PCDH11Y: variants seen among roughly 807,000 people sequenced by gnomAD.
PCDH11Y encodes protocadherin-11 Y-linked.
For synonymous variants in PCDH11Y, 9 were observed against 83.6 expected (o/e 0.11, Z 4.87); for missense variants, 12 against 224.8 (o/e 0.05, Z 6.05).
chrY:5,148,891 TA>T (rs2052860801), intron 2 of PCDH11Y, among the ~76,000 whole-genome samples: 2 of 32,194 alleles, frequency 6.2e-5, no homozygotes, highest in Admixed American at 2.9e-4. Context: ...CATTGTAAAG[TA>T]AAAAAAAATC....
At chrY:5,165,812 T>C in intron 2 of PCDH11Y, among the ~76,000 whole-genome samples, 3 of 32,889 alleles carry the variant, frequency 9.1e-5, no homozygotes, top group African/African-American at 3.5e-4. Context: ...GATAAATCTC[T>C]AGCCAGACAT....
At chrY:5,587,760 A>G (rs1406388181) in intron 4 of PCDH11Y, among the ~76,000 whole-genome samples, 504 of 31,824 alleles carry the variant, frequency 0.016, no homozygotes, top group Non-Finnish European at 0.028. Context: ...ACTCTTTTTT[A>G]GTTTTTATTG....
At chrY:5,421,014 T>C (rs2053257306) in intron 2 of PCDH11Y, among the ~76,000 whole-genome samples, 2 of 28,364 alleles carry the variant, frequency 7.1e-5, no homozygotes, top group East Asian at 1.9e-3. Flanking sequence ...AAGACCAGCC[T>C]GGCCACCATG....
chrY:5,620,433 C>T (rs2124702119), intron 4 of PCDH11Y, among the ~76,000 whole-genome samples: 2 of 30,764 alleles, frequency 6.5e-5, no homozygotes, highest in East Asian at 1.8e-3. Context: ...AAAAATAAAT[C>T]ACAGGACCAT....
chrY:5,495,896 A>G, intron 2 of PCDH11Y, among the ~76,000 whole-genome samples: 4 of 33,279 alleles, frequency 1.2e-4, no homozygotes. Flanking sequence ...GGGATTTGAT[A>G]TTTAGTCTGT....
At chrY:5,223,143 T>A in intron 2 of PCDH11Y, among the ~76,000 whole-genome samples, 1 of 33,567 alleles carries the variant, frequency 3.0e-5, no homozygotes, top group Non-Finnish European at 7.4e-5. Flanking sequence ...TATGGTGGTA[T>A]TTGTTAATTC....
At chrY:5,496,940 C>T (rs2124687481) in intron 2 of PCDH11Y, among the ~76,000 whole-genome samples, 1 of 32,785 alleles carries the variant, frequency 3.1e-5, no homozygotes, top group African/African-American at 1.2e-4. Context: ...ATGATGGTTT[C>T]CAGCTTCATC....
chrY:5,031,243 A>G, intron 1 of PCDH11Y, among the ~76,000 whole-genome samples: 2 of 31,914 alleles, frequency 6.3e-5, no homozygotes, highest in Admixed American at 5.9e-4. Flanking sequence ...ACTGCTCTAG[A>G]AATTTCTGCT....
At chrY:5,656,809 G>A (rs2053536788) in intron 4 of PCDH11Y, among the ~76,000 whole-genome samples, 58 of 31,619 alleles carry the variant, frequency 1.8e-3, no homozygotes, top group African/African-American at 5.3e-3. Context: ...CAAAACTGGA[G>A]GAATCACCTT....
intron 1 of PCDH11Y, among the ~76,000 whole-genome samples, chrY:5,097,584 TG>T (rs2052755256): frequency 3.0e-5 from 1 of 32,982 alleles, no homozygotes; most frequent in Non-Finnish European, 7.4e-5. Flanking sequence ...CACTGATATA[TG>T]GGTGCTAAGT....
Position 5,710,388 on chromosome Y carries a change from C to T in PCDH11Y, c.3353-26884C>T, listed in dbSNP as rs2053585525. Among the ~76,000 whole-genome samples the T allele has an allele frequency of 1.1e-3, 35 of 32,948 alleles. No individual in the cohort carries two copies. The East Asian group carries it at 0.028, about 26-fold the overall frequency. 88.4% of individuals were successfully genotyped at this position (32,948 alleles called of 37,273 possible). On this transcript the variant is annotated intron_variant, in intron 4 of 4. Transcript: ENST00000400457. ...AATCAGGCTTCTGGCTCCTCTCTCT[C>T]TTTGTGCAAACCAGTTGAGTGATCT...
chrY:5,019,984 C>G, intron 1 of PCDH11Y, among the ~76,000 whole-genome samples: 2 of 31,931 alleles, frequency 6.3e-5, no homozygotes, highest in Admixed American at 5.9e-4. Context: ...TCAAAATATA[C>G]TTTTAGAAAT....
chrY:5,047,002 G>A (rs2052643938), intron 3 of PCDH11Y, among the ~76,000 whole-genome samples: 1 of 33,359 alleles, frequency 3.0e-5, no homozygotes, highest in African/African-American at 1.2e-4. Context: ...ATTGACCTGC[G>A]CCCACTGTGT....
At chrY:5,107,961 A>T, downstream of PCDH11Y, among the ~76,000 whole-genome samples, 1 of 30,051 alleles carries the variant, frequency 3.3e-5, no homozygotes, top group South Asian at 8.2e-4. Context: ...TGAGAGGCTG[A>T]GGCAGGAGAA....
intron 3 of PCDH11Y, among the ~76,000 whole-genome samples, chrY:5,561,523 G>T (rs2053428540): frequency 7.3e-5 from 1 of 13,643 alleles, no homozygotes; most frequent in South Asian, 2.5e-3. Context: ...AATTATGGGG[G>T]TGGGTCTTTC....
At chrY:5,709,031 G>A (rs1602962802) in intron 4 of PCDH11Y, among the ~76,000 whole-genome samples, 1 of 31,828 alleles carries the variant, frequency 3.1e-5, no homozygotes, top group Non-Finnish European at 7.6e-5. Context: ...CAATTATTCC[G>A]CCGATAACAC....
chrY:5,134,023 C>T (rs2052836510), intron 2 of PCDH11Y, among the ~76,000 whole-genome samples: 1 of 32,122 alleles, frequency 3.1e-5, no homozygotes, highest in South Asian at 6.7e-4. Flanking sequence ...TTGGTATTGT[C>T]CTTAATCTCT....
At chrY:5,674,035 C>G in intron 4 of PCDH11Y, among the ~76,000 whole-genome samples, 1 of 32,737 alleles carries the variant, frequency 3.1e-5, no homozygotes, top group African/African-American at 1.2e-4. Flanking sequence ...GCCTCACTTT[C>G]TTCTTGGCAT....
intron 2 of PCDH11Y, among the ~76,000 whole-genome samples, chrY:5,484,743 C>G (rs2053330007): frequency 3.0e-5 from 1 of 33,361 alleles, no homozygotes; most frequent in African/African-American, 1.2e-4. Flanking sequence ...AATGAAGAAC[C>G]AAAGTCGCAG....
Sources: allele counts gnomAD v4.1 joint callset (sites outside exome capture counted in the v4.1 genomes callset), GRCh38; gene constraint gnomAD v4.1.1; transcripts MANE v1.5; gene names NCBI Gene and HGNC (gene_info 2026-07-23, HGNC 2026-07-21).